The following DCDC2C variants were observed in gnomAD, a reference collection of about 807,000 sequenced individuals.
The protein encoded by DCDC2C is doublecortin domain-containing protein 2C.
Under a neutral mutation model 45.0 loss-of-function variants are expected in DCDC2C, and 44 were observed. The ratio of observed to expected loss-of-function variants is 0.98; its 90% confidence interval spans 0.77 to 1.26. The LOEUF (loss-of-function observed/expected upper bound fraction) is 1.26. DCDC2C is among the 50% of genes most tolerant of loss of function. DCDC2C has a pLI of 0.00. For missense variants in DCDC2C, 447 were observed against 468.9 expected (o/e 0.95, Z 0.43); for synonymous variants, 187 against 178.8 (o/e 1.05, Z -0.37).
At chr2:3,776,273 G>A (rs1283633451) in intron 8 of DCDC2C, among the ~76,000 whole-genome samples, 1 of 152,112 alleles carries the variant, frequency 6.6e-6, no homozygotes, top group Admixed American at 6.5e-5. Flanking sequence ...CTCTTTCTTG[G>A]TCTCAGTCCT....
rs1667940687 is a variant in DCDC2C, at chr2:3,703,789, C to T, written c.38C>T (p.Thr13Met). 8.1e-7 allele frequency: 1 copy of T among 1,240,050 alleles called. No individual in the cohort carries two copies. The allele number at this position is 1,240,050 out of a possible 1,614,324, so 76.8% of individuals were successfully genotyped here. The change falls in exon 1 of 11, where the codon ACG becomes ATG. Residue 13 changes from threonine (T) to methionine (M), a missense_variant. By Grantham distance (81) the Thr-to-Met change is moderately conservative (BLOSUM62 -1). Coordinates refer to ENST00000399143, the MANE Select transcript of DCDC2C (RefSeq NM_001287444.2). The surrounding 1 kb of genome is among the most constrained non-coding windows in gnomAD (Gnocchi z 4.4). ...GGGCCCTCCGCGCCGGTGGACACCA[C>T]GCCCGCCAAGACCATCGTGGTGTAC... Reference protein sequence around the residue: ...TRGPSAPVDTTPAKTIVVYRN... With the variant: ...TRGPSAPVDTMPAKTIVVYRN...
chr2:3,783,255 C>G (rs967700651), intron 9 of DCDC2C, among the ~76,000 whole-genome samples: 5 of 152,236 alleles, frequency 3.3e-5, no homozygotes, highest in Non-Finnish European at 7.4e-5. Context: ...GAGATGGACT[C>G]TGATTTGGGG....
chr2:3,838,420 T>C (rs1330944071), intron 10 of DCDC2C, among the ~76,000 whole-genome samples: 1 of 150,428 alleles, frequency 6.6e-6, no homozygotes, highest in African/African-American at 2.4e-5. Context: ...AGTTTTGTAT[T>C]GAGTAACTGT....
intron 4 of DCDC2C, among the ~76,000 whole-genome samples, chr2:3,749,821 A>G (rs1669485638): frequency 6.6e-6 from 1 of 152,206 alleles, no homozygotes; most frequent in East Asian, 1.9e-4. Context: ...AATGAAAAGC[A>G]CACAACTTCC....
At chr2:3,806,433 G>A (rs1432459378) in intron 10 of DCDC2C, among the ~76,000 whole-genome samples, 1 of 152,206 alleles carries the variant, frequency 6.6e-6, no homozygotes, top group Non-Finnish European at 1.5e-5. Context: ...TTCTGTGAGT[G>A]CCCGCGTTGT....
intron 10 of DCDC2C, among the ~76,000 whole-genome samples, chr2:3,815,904 G>A (rs1273115304): frequency 6.6e-6 from 1 of 152,200 alleles, no homozygotes; most frequent in Non-Finnish European, 1.5e-5. Context: ...GGGATATGAT[G>A]GCTTAGCTTG....
At chr2:3,806,272 C>T (rs1215875484) in intron 10 of DCDC2C, among the ~76,000 whole-genome samples, 5 of 152,232 alleles carry the variant, frequency 3.3e-5, no homozygotes, top group Admixed American at 3.3e-4. Flanking sequence ...ACGGCTCCAG[C>T]CTGCTGTGCT....
At chr2:3,704,136 C>A in intron 1 of DCDC2C, 98 bp downstream of exon 1, 2 of 1,088,388 alleles carry the variant, frequency 1.8e-6, no homozygotes, top group South Asian at 4.8e-5. Flanking sequence ...CCTCCCCAGG[C>A]TTCCCTCCCG....
At chr2:3,729,266 C>T (rs575248918) in intron 3 of DCDC2C, among the ~76,000 whole-genome samples, 157 of 152,204 alleles carry the variant, frequency 1.0e-3, no homozygotes, top group Non-Finnish European at 1.9e-3. Flanking sequence ...GAAGAGCCCA[C>T]CCCAGGGCTC....
intron 6 of DCDC2C, among the ~76,000 whole-genome samples, chr2:3,758,486 C>T (rs2148136001): frequency 6.6e-6 from 1 of 152,290 alleles, no homozygotes; most frequent in South Asian, 2.1e-4. Context: ...AAAAGTAGAA[C>T]ATCACGATGC....
At position 3,726,984 on chromosome 2, in the gene DCDC2C, G is replaced by A. The variant is rs980076944; in HGVS notation, c.340-19G>A. The A allele has an allele frequency of 3.9e-6, 6 of 1,548,958 alleles. No homozygotes were observed. The highest frequency in any genetic ancestry group is 4.4e-6 in the Non-Finnish European group (5 of 1,145,650). ...GCTAATTTGAACTGAATTCCCAGGT[G>A]TGTTTTTTCCTTTTTCAGATCAAAC... On this transcript the variant is annotated intron_variant, in intron 2 of 10. Coordinates refer to ENST00000399143, the MANE Select transcript of DCDC2C (RefSeq NM_001287444.2).
chr2:3,738,962 C>T (rs745694058), intron 3 of DCDC2C, among the ~76,000 whole-genome samples: 4 of 152,264 alleles, frequency 2.6e-5, no homozygotes, highest in East Asian at 3.9e-4. Flanking sequence ...CTGAACAACA[C>T]GGACCCCAAA....
At chr2:3,808,497 T>C (rs1671311783) in intron 10 of DCDC2C, among the ~76,000 whole-genome samples, 1 of 152,104 alleles carries the variant, frequency 6.6e-6, no homozygotes, top group Non-Finnish European at 1.5e-5. Flanking sequence ...GTTGAAGCAA[T>C]TCTCCTGCCT....
intron 3 of DCDC2C, among the ~76,000 whole-genome samples, chr2:3,737,653 G>C (rs1479461769): frequency 6.6e-6 from 1 of 152,052 alleles, no homozygotes; most frequent in Non-Finnish European, 1.5e-5. Context: ...TACCCTCTCA[G>C]AGGTCCAGAT....
chr2:3,750,479 G>C (rs1669512751), intron 4 of DCDC2C, among the ~76,000 whole-genome samples: 1 of 152,108 alleles, frequency 6.6e-6, no homozygotes, highest in Admixed American at 6.5e-5. Context: ...TAAGCCTGAG[G>C]ACATTCTAAT....
intron 4 of DCDC2C, among the ~76,000 whole-genome samples, chr2:3,746,583 T>TC (rs1173407669): frequency 6.6e-6 from 1 of 152,226 alleles, no homozygotes; most frequent in Non-Finnish European, 1.5e-5. Flanking sequence ...CTCTCCGTTT[T>TC]CAATTTCCCA....
chr2:3,733,221 C>G (rs1668923836), intron 3 of DCDC2C, among the ~76,000 whole-genome samples: 1 of 152,248 alleles, frequency 6.6e-6, no homozygotes, highest in African/African-American at 2.4e-5. Flanking sequence ...CCAGTGTAAG[C>G]TGTTCTCCTT....
At position 3,761,423 on chromosome 2, in the gene DCDC2C, G is replaced by C. The variant is rs553121244; in HGVS notation, c.727-6331G>C. Among the ~76,000 whole-genome samples the C allele has an allele frequency of 7.8e-4, 119 of 152,284 alleles. No individual in the cohort carries two copies. The highest frequency in any genetic ancestry group is 6.8e-3 in the Middle Eastern group (2 of 294). On this transcript the variant is annotated intron_variant, in intron 6 of 10. Transcript: ENST00000399143. The surrounding 1 kb of genome is among the most constrained non-coding windows in gnomAD (Gnocchi z 4.3). The stretch of plus-strand genomic sequence containing the variant: ...TGCGTGAAAACAGTTGCAGAGGCAT[G>C]TGCATACCAGACTGAGACCCACACT...
chr2:3,792,635 A>G (rs1039509216), intron 10 of DCDC2C, among the ~76,000 whole-genome samples: 2 of 152,200 alleles, frequency 1.3e-5, no homozygotes, highest in Non-Finnish European at 1.5e-5. Context: ...AATTTTGGAC[A>G]CAAAAAGTAA....
Sources: gnomAD v4.1 joint callset for allele counts (sites outside exome capture counted in the v4.1 genomes callset) on GRCh38, gnomAD v4.1.1 for gene constraint, Gnocchi (gnomAD v3.1) non-coding constraint, MANE v1.5 for transcripts, NCBI Gene and HGNC (gene_info 2026-07-23, HGNC 2026-07-21) for gene names.